The following OXR1 variants were observed in gnomAD, a reference collection of about 807,000 sequenced individuals.
The protein encoded by OXR1 is oxidation resistance 1.
Under a neutral mutation model 104.6 loss-of-function variants are expected in OXR1, and 41 were observed. The ratio of observed to expected loss-of-function variants is 0.39; its 90% CI spans 0.31 to 0.51. OXR1 has a LOEUF of 0.51. Among genes scored for constraint, OXR1 ranks in the 20% least tolerant of loss-of-function variants. The probability of loss-of-function intolerance (pLI) is 0.77; values close to 1 mark genes in which losing one functional copy is unlikely to be tolerated. For missense variants in OXR1, 955 were observed against 1,031.9 expected (o/e 0.93, Z 1.02); for synonymous variants, 348 against 348.4 (o/e 1.00, Z 0.01).
chr8:106,559,815 C>T (rs1816549587), intron 3 of OXR1, among the ~76,000 whole-genome samples: 1 of 152,156 alleles, frequency 6.6e-6, no homozygotes, highest in African/African-American at 2.4e-5. Flanking sequence ...CCCAAATGTT[C>T]TACCTCTTAG....
chr8:106,496,126 A>C (rs1375836844), intron 2 of OXR1, among the ~76,000 whole-genome samples: 1 of 152,174 alleles, frequency 6.6e-6, no homozygotes, highest in Non-Finnish European at 1.5e-5. Flanking sequence ...GGGCTTGTAC[A>C]TCACTTTGAG....
chr8:106,372,122 G>C (rs1020834987), intron 2 of OXR1, among the ~76,000 whole-genome samples: 1 of 152,226 alleles, frequency 6.6e-6, no homozygotes, highest in Non-Finnish European at 1.5e-5. Flanking sequence ...GCCTGTTCCA[G>C]GGTTGGAACA....
rs1261211385 is a variant in OXR1, at chr8:106,315,358, T to G, written c.-138-44118T>G. 2.0e-5 allele frequency among the ~76,000 whole-genome samples: 3 copies of G among 152,282 alleles called. No individual in the cohort carries two copies. The East Asian group carries it at 5.8e-4, about 29-fold the overall frequency. On this transcript the variant is annotated intron_variant, in intron 1 of 16. Coordinates refer to ENST00000517566, the MANE Select transcript of OXR1 (RefSeq NM_001198533.2). ...CCGTTTTCTCTATTTCAGTAATATTTAAAATTTTTATTTGTCATTGAAATT... is the reference window on the plus strand; with the variant it reads ...CCGTTTTCTCTATTTCAGTAATATTGAAAATTTTTATTTGTCATTGAAATT...
intron 1 of OXR1, among the ~76,000 whole-genome samples, chr8:106,314,445 A>G (rs1586510133): frequency 1.3e-5 from 2 of 152,188 alleles, no homozygotes; most frequent in South Asian, 4.1e-4. Context: ...ATTAGGCATA[A>G]TTACTTCTAT....
At chr8:106,637,481 T>C (rs1342624187) in intron 3 of OXR1, among the ~76,000 whole-genome samples, 1 of 152,172 alleles carries the variant, frequency 6.6e-6, no homozygotes. Context: ...ACCAGTAAGA[T>C]GTTACAGATA....
At chr8:106,528,739 A>T (rs1234423890) in intron 3 of OXR1, among the ~76,000 whole-genome samples, 2 of 152,240 alleles carry the variant, frequency 1.3e-5, no homozygotes, top group African/African-American at 4.8e-5. Flanking sequence ...TAATCTTGCT[A>T]GAGGTGGCAC....
At chr8:106,595,448 G>C (rs554607783) in intron 3 of OXR1, among the ~76,000 whole-genome samples, 1 of 151,352 alleles carries the variant, frequency 6.6e-6, no homozygotes, top group East Asian at 1.9e-4. Context: ...TACCCATGAG[G>C]CTGAGGCAGG....
intron 3 of OXR1, among the ~76,000 whole-genome samples, chr8:106,550,477 T>C (rs1815715207): frequency 6.6e-6 from 1 of 152,174 alleles, no homozygotes; most frequent in Non-Finnish European, 1.5e-5. Flanking sequence ...CCCTGTGATA[T>C]GGTTTGACTC....
At chr8:106,425,483 A>G (rs1819077393) in intron 2 of OXR1, among the ~76,000 whole-genome samples, 1 of 152,208 alleles carries the variant, frequency 6.6e-6, no homozygotes. Context: ...AGATTTGCCA[A>G]TAAGTGAAGA....
chr8:106,747,496 A>G (rs1159067294), intron 16 of OXR1, among the ~76,000 whole-genome samples: 1 of 152,232 alleles, frequency 6.6e-6, no homozygotes, highest in Non-Finnish European at 1.5e-5. Flanking sequence ...TTAAAGATTT[A>G]GAAGACTACT....
At chr8:106,587,879 T>C (rs1818745507) in intron 3 of OXR1, among the ~76,000 whole-genome samples, 2 of 152,138 alleles carry the variant, frequency 1.3e-5, no homozygotes, top group South Asian at 4.1e-4. Flanking sequence ...AAAAGATAGA[T>C]ATTTAGGTAA....
chr8:106,548,337 G>T (rs1815536020), intron 3 of OXR1, among the ~76,000 whole-genome samples: 1 of 152,142 alleles, frequency 6.6e-6, no homozygotes, highest in Non-Finnish European at 1.5e-5. Flanking sequence ...CTGGTCCAGT[G>T]CTCCTCCCAA....
At chr8:106,310,281 A>G (rs1813645253) in intron 1 of OXR1, among the ~76,000 whole-genome samples, 1 of 151,682 alleles carries the variant, frequency 6.6e-6, no homozygotes, top group Admixed American at 6.6e-5. Context: ...AGAAATATAA[A>G]CAACTTCTCA....
chr8:106,641,324 C>A (rs568209564), intron 3 of OXR1, among the ~76,000 whole-genome samples: 2 of 152,254 alleles, frequency 1.3e-5, no homozygotes, highest in African/African-American at 4.8e-5. Flanking sequence ...GCTGAAAGAG[C>A]AAGCCCAGAA....
intron 10 of OXR1, among the ~76,000 whole-genome samples, chr8:106,712,688 T>C (rs1333502110): frequency 2.6e-5 from 4 of 152,022 alleles, no homozygotes; most frequent in Non-Finnish European, 4.4e-5. Context: ...CTCCACCATA[T>C]ATAGAGTAAG....
intron 3 of OXR1, among the ~76,000 whole-genome samples, chr8:106,540,194 T>C (rs1814843220): frequency 6.6e-6 from 1 of 151,810 alleles, no homozygotes; most frequent in Non-Finnish European, 1.5e-5. Flanking sequence ...AAAAGGAAAA[T>C]AAAGTTAAGG....
intron 2 of OXR1, among the ~76,000 whole-genome samples, chr8:106,436,522 C>CAAA (rs11423598): frequency 8.2e-6 from 1 of 122,458 alleles, no homozygotes; most frequent in Non-Finnish European, 1.7e-5. Flanking sequence ...TGTGCCTATG[C>CAAA]AAAAAAAAAA....
At chr8:106,642,058 AACCAC>A (rs1431025374) in intron 3 of OXR1, among the ~76,000 whole-genome samples, 2 of 152,160 alleles carry the variant, frequency 1.3e-5, no homozygotes, top group Non-Finnish European at 2.9e-5. Context: ...AGGTGTGCAC[AACCAC>A]ACTTGGCCAC....
At chr8:106,623,516 TACTC>T (rs1821895776) in intron 3 of OXR1, among the ~76,000 whole-genome samples, 1 of 151,988 alleles carries the variant, frequency 6.6e-6, no homozygotes, top group African/African-American at 2.4e-5. Flanking sequence ...GACAGACACA[TACTC>T]AGACAAACTC....
Sources: gnomAD v4.1 joint callset for allele counts (sites outside exome capture counted in the v4.1 genomes callset) on GRCh38, gnomAD v4.1.1 for gene constraint, MANE v1.5 for transcripts, NCBI Gene and HGNC (gene_info 2026-07-23, HGNC 2026-07-21) for gene names.